The following NPAS2 variants were observed in gnomAD, a reference collection of about 807,000 sequenced individuals.
The protein encoded by NPAS2 is neuronal PAS domain-containing protein 2.
NPAS2 carries 23 observed loss-of-function variants against 107.5 expected under a neutral mutation model. The observed-to-expected ratio is 0.21, with a 90% confidence interval of 0.15 to 0.30. The LOEUF is 0.30. Ranked by LOEUF, NPAS2 falls within the 10% of genes least tolerant of loss-of-function variation. The pLI is 1.00. For missense variants in NPAS2, 756 were observed against 1,043.3 expected (o/e 0.72, Z 3.79); for synonymous variants, 403 against 417.5 (o/e 0.97, Z 0.42).
intron 1 of NPAS2, among the ~76,000 whole-genome samples, chr2:100,848,006 A>T (rs1050457380): frequency 6.6e-6 from 1 of 152,178 alleles, no homozygotes; most frequent in Non-Finnish European, 1.5e-5. Context: ...AAAAGAGTTG[A>T]TGCAGAGGGG....
At chr2:100,941,746 G>A (rs533033379) in intron 5 of NPAS2, among the ~76,000 whole-genome samples, 5 of 152,288 alleles carry the variant, frequency 3.3e-5, no homozygotes, top group East Asian at 1.9e-4. Flanking sequence ...CATGAGTCAC[G>A]TGCCTTGGAC....
chr2:100,981,153 C>A (rs1037757715), intron 15 of NPAS2, among the ~76,000 whole-genome samples: 2 of 152,146 alleles, frequency 1.3e-5, no homozygotes, highest in African/African-American at 4.8e-5. Context: ...TTTCTCAACT[C>A]TCCTGCTCTC....
At chr2:100,864,482 G>C (rs374288856) in intron 1 of NPAS2, among the ~76,000 whole-genome samples, 4 of 152,202 alleles carry the variant, frequency 2.6e-5, no homozygotes, top group African/African-American at 9.6e-5. Flanking sequence ...ACAACTCCTT[G>C]GAATAAAAAG....
At chr2:100,995,367 C>A (rs1465612677) in intron 20 of NPAS2, 33 bp from the exon 21 acceptor site, 2 of 1,579,372 alleles carry the variant, frequency 1.3e-6, no homozygotes, top group East Asian at 2.2e-5. Flanking sequence ...ACATCAGAAC[C>A]ACCTCTGAAG....
chr2:100,879,031 A>G (rs111756743), intron 1 of NPAS2, among the ~76,000 whole-genome samples: 7,766 of 151,922 alleles, frequency 0.051, 644 homozygotes, highest in African/African-American at 0.18. Flanking sequence ...AGGCAGGAGA[A>G]TCACTTGAAC....
chr2:100,950,658 C>T (rs1675166307), intron 7 of NPAS2, among the ~76,000 whole-genome samples: 2 of 152,192 alleles, frequency 1.3e-5, no homozygotes, highest in Admixed American at 6.5e-5. Context: ...TGTGATCCTG[C>T]CAGCATGATT....
intron 1 of NPAS2, among the ~76,000 whole-genome samples, chr2:100,859,681 G>C (rs1469378770): frequency 6.6e-6 from 1 of 152,172 alleles, no homozygotes; most frequent in Non-Finnish European, 1.5e-5. Context: ...TGTTCCTTGA[G>C]GGGTGGTTAG....
At chr2:100,929,948 A>G (rs901405586) in intron 3 of NPAS2, among the ~76,000 whole-genome samples, 4 of 152,244 alleles carry the variant, frequency 2.6e-5, no homozygotes, top group African/African-American at 9.6e-5. Flanking sequence ...AGCTTCGGAA[A>G]TGAATTTTAA....
At chr2:100,842,097 A>G (rs1273101893) in intron 1 of NPAS2, among the ~76,000 whole-genome samples, 1 of 151,770 alleles carries the variant, frequency 6.6e-6, no homozygotes, top group Non-Finnish European at 1.5e-5. Flanking sequence ...ACACACACAC[A>G]CACACACACA....
At position 100,820,611 on chromosome 2, in the gene NPAS2, C is replaced by T. The variant is rs991529328; in HGVS notation, c.-23+197C>T. Among the ~76,000 whole-genome samples the T allele has an allele frequency of 6.6e-6, 1 of 152,054 alleles. No homozygotes were observed. Among genetic ancestry groups the T allele is most frequent in the African/African-American group, 2.4e-5 (1 of 41,448 alleles). ...TGGGTTCCCCTCCACAGTCAGGCCG[C>T]TGGGGGCTTCGCGTCCTGCAGGAGG... is the stretch of plus-strand genomic sequence containing the variant. On this transcript the variant is annotated intron_variant, in intron 1 of 20. Transcript: ENST00000335681. The surrounding 1 kb of genome is among the most constrained non-coding windows in gnomAD (Gnocchi z 5.6).
chr2:100,972,436 C>A (rs925592791), intron 12 of NPAS2, among the ~76,000 whole-genome samples: 1 of 152,204 alleles, frequency 6.6e-6, no homozygotes, highest in Admixed American at 6.5e-5. Context: ...GAATCCAGAG[C>A]CTTGGGCCAG....
chr2:100,933,468 A>T (rs1324749864), intron 4 of NPAS2, among the ~76,000 whole-genome samples: 1 of 152,214 alleles, frequency 6.6e-6, no homozygotes, highest in Non-Finnish European at 1.5e-5. Flanking sequence ...AACTCATGTT[A>T]CATCCACATG....
rs530263972 is a variant in NPAS2, at chr2:100,892,463, C to T, written c.-22-12270C>T. ...TGGTAGCGTTTGCGTATGGTCACGA[C>T]GCTCATGAGAGTCTTGTCTTGGTTT... is the stretch of plus-strand genomic sequence containing the variant. On this transcript the variant is annotated intron_variant, in intron 1 of 20. Transcript: ENST00000335681. Among the ~76,000 whole-genome samples, 17 of 152,254 alleles carry T rather than the reference C, an allele frequency of 1.1e-4. No homozygotes were observed. In the East Asian group the frequency reaches 1.2e-3, roughly 10 times the overall value.
At position 100,965,938 on chromosome 2, in the gene NPAS2, G is replaced by C. The variant is rs142753970; in HGVS notation, c.907+172G>C. Among the ~76,000 whole-genome samples, 11 of 152,110 alleles carry C rather than the reference G, an allele frequency of 7.2e-5. No individual in the cohort carries two copies. The highest frequency in any genetic ancestry group is 4.4e-5 in the Non-Finnish European group (3 of 68,022). ...GGGGCATGGTGGAGGCCCCTTATCC[G>C]CGTCTACCCCCATGTCACTGGAATT... is the stretch of plus-strand genomic sequence containing the variant. On this transcript the variant is annotated intron_variant, in intron 10 of 20. Coordinates refer to ENST00000335681, the MANE Select transcript of NPAS2 (RefSeq NM_002518.4). This position sits in a 1 kb window ranked among gnomAD's most constrained non-coding sequence, Gnocchi z 4.3.
intron 1 of NPAS2, among the ~76,000 whole-genome samples, chr2:100,878,811 A>G (rs1680147622): frequency 6.6e-6 from 1 of 152,210 alleles, no homozygotes; most frequent in Admixed American, 6.5e-5. Context: ...AAGACACTGT[A>G]AATTATTTAA....
At chr2:100,933,248 C>T (rs966242726) in intron 4 of NPAS2, among the ~76,000 whole-genome samples, 1 of 152,070 alleles carries the variant, frequency 6.6e-6, no homozygotes, top group Non-Finnish European at 1.5e-5. Flanking sequence ...TTGATGGTGT[C>T]ACAACCAGAG....
intron 1 of NPAS2, among the ~76,000 whole-genome samples, chr2:100,862,638 GGT>G (rs1302588156): frequency 6.6e-6 from 1 of 152,168 alleles, no homozygotes; most frequent in Non-Finnish European, 1.5e-5. Context: ...GGTTTGCCCA[GGT>G]TATCCACACG....
intron 1 of NPAS2, among the ~76,000 whole-genome samples, chr2:100,835,942 G>A (rs1356147992): frequency 6.6e-6 from 1 of 152,116 alleles, no homozygotes; most frequent in Non-Finnish European, 1.5e-5. Context: ...AGATATTACC[G>A]ACTTTTGAGT....
chr2:100,850,040 AAG>A (rs1678064245), intron 1 of NPAS2, among the ~76,000 whole-genome samples: 1 of 85,172 alleles, frequency 1.2e-5, no homozygotes, highest in Non-Finnish European at 2.3e-5. Context: ...AAAAAAAAGC[AAG>A]AGAAAATAGA....
Sources: allele counts gnomAD v4.1 joint callset (sites outside exome capture counted in the v4.1 genomes callset), GRCh38; gene constraint gnomAD v4.1.1; non-coding constraint Gnocchi (gnomAD v3.1); transcripts MANE v1.5; gene names NCBI Gene and HGNC (gene_info 2026-07-23, HGNC 2026-07-21).